OXSR1: variants seen among roughly 807,000 people sequenced by gnomAD.
The protein encoded by OXSR1 is oxidative stress responsive kinase 1, also known as serine/threonine-protein kinase OSR1.
A neutral mutation model predicts 79.8 loss-of-function variants in OXSR1; 24 were observed. That is an observed-to-expected ratio of 0.30 (90% CI 0.22 to 0.42). The LOEUF (loss-of-function observed/expected upper bound fraction) is 0.42. Among genes scored for constraint, OXSR1 ranks in the 10% least tolerant of loss-of-function variants. The pLI, the probability that OXSR1 is intolerant of heterozygous loss-of-function variation, is 1.00. For missense variants in OXSR1, 430 were observed against 618.4 expected (o/e 0.70, Z 3.23); for synonymous variants, 226 against 209.2 (o/e 1.08, Z -0.69).
At chr3:38,166,811 A>G (rs1701472632) in intron 1 of OXSR1, among the ~76,000 whole-genome samples, 1 of 151,920 alleles carries the variant, frequency 6.6e-6, no homozygotes, top group Non-Finnish European at 1.5e-5. Context: ...AAAAAAAAAA[A>G]AAATTTGAAG....
At chr3:38,214,493 A>G (rs554779465) in intron 4 of OXSR1, among the ~76,000 whole-genome samples, 1 of 152,266 alleles carries the variant, frequency 6.6e-6, no homozygotes, top group South Asian at 2.1e-4. Flanking sequence ...ACTAAACTAT[A>G]CTTTTCTTCC....
chr3:38,253,773 C>T lies in OXSR1; in HGVS notation c.*882C>T, dbSNP rs539297863. On this transcript the variant is annotated 3_prime_UTR_variant, in exon 18 of 18. Coordinates refer to ENST00000311806, the MANE Select transcript of OXSR1 (RefSeq NM_005109.3). ...CAATCCTCCCATGAAAATCAGTTCG[C>T]CTGGCCTCCAAGTCGTGAGGAAATG... is the stretch of plus-strand genomic sequence containing the variant. The T allele has an allele frequency of 5.8e-6, 1 of 171,420 alleles. No individual in the cohort carries two copies. The highest frequency in any genetic ancestry group is 2.0e-4 in the South Asian group (1 of 4,988). The allele number at this position is 171,420 out of a possible 1,614,324, so 10.6% of individuals were successfully genotyped here. A position where few individuals can be genotyped will look rare whatever the true frequency, so the allele number is the denominator to read the frequency against.
chr3:38,216,314 T>G (rs1575345556), intron 5 of OXSR1, among the ~76,000 whole-genome samples, 163 bp downstream of exon 5: 1 of 152,152 alleles, frequency 6.6e-6, no homozygotes, highest in South Asian at 2.1e-4. Flanking sequence ...TCAAGATATC[T>G]TCTCATACTC....
chr3:38,239,665 T>G (rs112690553), intron 11 of OXSR1, among the ~76,000 whole-genome samples: 5,487 of 152,278 alleles, frequency 0.036, 110 homozygotes, highest in Middle Eastern at 0.13. Context: ...TTTCCTCACA[T>G]GCACTCGTTG....
intron 8 of OXSR1, among the ~76,000 whole-genome samples, chr3:38,227,206 T>G (rs1183725372): frequency 6.6e-6 from 1 of 152,210 alleles, no homozygotes; most frequent in Non-Finnish European, 1.5e-5. Context: ...TATTTACTCA[T>G]CAAGTACCAG....
At chr3:38,249,927 T>C (rs1272233172) in intron 14 of OXSR1, 39 bp from the exon 15 acceptor site, 9 of 1,220,040 alleles carry the variant, frequency 7.4e-6, no homozygotes, top group Non-Finnish European at 1.2e-6. Flanking sequence ...TGCATAAATT[T>C]AGAAATTCTT....
chr3:38,165,757 G>A lies in OXSR1; in HGVS notation c.-120G>A, dbSNP rs1162082399. Reference sequence around the variant, plus strand: ...GCGCCGTCCGACCCGTGGCTGTTCCGAGACGATTGGTGGGGGCGCGGCGGC... The same window carrying A: ...GCGCCGTCCGACCCGTGGCTGTTCCAAGACGATTGGTGGGGGCGCGGCGGC... On this transcript the variant is annotated 5_prime_UTR_variant, in exon 1 of 18. Transcript: ENST00000311806. 5.4e-5 allele frequency: 49 copies of A among 909,260 alleles called. No individual in the cohort carries two copies. Among genetic ancestry groups the A allele is most frequent in the Non-Finnish European group, 7.7e-5 (45 of 587,310 alleles). The allele number at this position is 909,260 out of a possible 1,614,324, so 56.3% of individuals were successfully genotyped here. A position where few individuals can be genotyped will look rare whatever the true frequency, so the allele number is the denominator to read the frequency against.
intron 8 of OXSR1, among the ~76,000 whole-genome samples, chr3:38,226,795 A>T (rs916242919): frequency 6.6e-6 from 1 of 151,890 alleles, no homozygotes; most frequent in Admixed American, 6.6e-5. Flanking sequence ...GGAGGAAATT[A>T]AGAAGACGTG....
intron 6 of OXSR1, among the ~76,000 whole-genome samples, chr3:38,221,957 T>C (rs1328195394): frequency 6.6e-6 from 1 of 152,200 alleles, no homozygotes; most frequent in Non-Finnish European, 1.5e-5. Context: ...TACATATAGA[T>C]TTATTGGTTT....
intron 12 of OXSR1, among the ~76,000 whole-genome samples, chr3:38,244,274 C>T (rs925547944): frequency 2.0e-5 from 3 of 151,936 alleles, no homozygotes; most frequent in Non-Finnish European, 4.4e-5. Flanking sequence ...TTTAAATTTG[C>T]GATAAAATTC....
chr3:38,164,472 T>C (rs968978223), upstream of OXSR1, among the ~76,000 whole-genome samples: 4 of 152,212 alleles, frequency 2.6e-5, no homozygotes, highest in Non-Finnish European at 4.4e-5. Context: ...AAGACTGCCG[T>C]TGGACTGAAA....
At chr3:38,217,018 A>G (rs142475232) in intron 5 of OXSR1, among the ~76,000 whole-genome samples, 1 of 152,316 alleles carries the variant, frequency 6.6e-6, no homozygotes, top group East Asian at 1.9e-4. Flanking sequence ...AGTAGAGAAG[A>G]TATTTGCAGC....
chr3:38,177,734 A>T (rs1013850974), intron 1 of OXSR1, among the ~76,000 whole-genome samples: 1 of 151,706 alleles, frequency 6.6e-6, no homozygotes, highest in African/African-American at 2.4e-5. Flanking sequence ...ACAGGTGTGC[A>T]CCACCATGCC....
intron 11 of OXSR1, 61 bp from the exon 12 acceptor site, chr3:38,242,682 G>A: frequency 2.1e-6 from 2 of 943,402 alleles, no homozygotes; most frequent in Non-Finnish European, 3.3e-6. Flanking sequence ...TTGCAGTTTG[G>A]GACTGACTAC....
rs573653966 is a variant in OXSR1, at chr3:38,246,230, G to C, written c.1257+9G>C. 1 of 1,613,230 alleles carries C rather than the reference G, an allele frequency of 6.2e-7. No homozygotes were observed. The highest frequency in any genetic ancestry group is 1.3e-5 in the African/African-American group (1 of 74,978). On this transcript the variant is annotated intron_variant, in intron 13 of 17. Coordinates refer to ENST00000311806, the MANE Select transcript of OXSR1 (RefSeq NM_005109.3). ...CAGCAAAAACAGCTCAGGTAAAGCCGGGGATATGGTTTCATGGTCACTCCT... is the reference window on the plus strand; with the variant it reads ...CAGCAAAAACAGCTCAGGTAAAGCCCGGGATATGGTTTCATGGTCACTCCT...
rs1239373734 is a variant in OXSR1 at position 38,253,170 on chromosome 3, G to A, written c.*279G>A. 1 of 405,102 alleles carries A rather than the reference G, an allele frequency of 2.5e-6. No individual in the cohort carries two copies. The highest frequency in any genetic ancestry group is 4.4e-5 in the East Asian group (1 of 22,652). The allele number at this position is 405,102 out of a possible 1,614,324, so 25.1% of individuals were successfully genotyped here. A position where few individuals can be genotyped will look rare whatever the true frequency, so the allele number is the denominator to read the frequency against. On this transcript the variant is annotated 3_prime_UTR_variant, in exon 18 of 18. Transcript: ENST00000311806. ...TGAGAAGTGGCCCATGTGCTTCAAG[G>A]CCCAGGAGGGAGATCTGTCAGCTCA...
intron 2 of OXSR1, among the ~76,000 whole-genome samples, chr3:38,185,785 A>C (rs912188494): frequency 2.6e-5 from 4 of 151,818 alleles, no homozygotes; most frequent in Admixed American, 2.6e-4. Flanking sequence ...TCTAAAATGA[A>C]AAATAAAAAA....
intron 4 of OXSR1, among the ~76,000 whole-genome samples, chr3:38,203,986 G>C (rs958151235): frequency 2.6e-5 from 4 of 152,154 alleles, no homozygotes; most frequent in African/African-American, 9.7e-5. Context: ...GCCTGGAGTC[G>C]GAAACCTTAG....
chr3:38,230,852 T>C (rs1370659851), intron 10 of OXSR1, among the ~76,000 whole-genome samples: 3 of 152,340 alleles, frequency 2.0e-5, no homozygotes, highest in African/African-American at 7.2e-5. Flanking sequence ...GGTCATGATG[T>C]GAGCATACAG....
Sources: gnomAD v4.1 joint callset for allele counts (sites outside exome capture counted in the v4.1 genomes callset) on GRCh38, gnomAD v4.1.1 for gene constraint, MANE v1.5 for transcripts, NCBI Gene and HGNC (gene_info 2026-07-23, HGNC 2026-07-21) for gene names.